Variants in DLG2 observed in about 807,000 individuals in gnomAD.
The protein encoded by DLG2 is disks large homolog 2.
Under a neutral mutation model 132.5 loss-of-function variants are expected in DLG2, and 45 were observed. The observed-to-expected ratio is 0.34, with a 90% CI of 0.27 to 0.44. DLG2 has a LOEUF of 0.44. Among genes scored for constraint, DLG2 ranks in the 20% least tolerant of loss-of-function variants. DLG2 has a pLI of 1.00. For missense variants in DLG2, 1,045 were observed against 1,196.9 expected (o/e 0.87, Z 1.87); for synonymous variants, 424 against 419.6 (o/e 1.01, Z -0.13).
chr11:83,921,751 A>G (rs2077968897), intron 15 of DLG2, among the ~76,000 whole-genome samples: 1 of 152,186 alleles, frequency 6.6e-6, no homozygotes, highest in African/African-American at 2.4e-5. Context: ...GATGGTTACT[A>G]AAGTAAATAC....
chr11:84,589,793 C>T (rs1398576608), intron 6 of DLG2, among the ~76,000 whole-genome samples: 1 of 152,150 alleles, frequency 6.6e-6, no homozygotes, highest in East Asian at 1.9e-4. Context: ...ACTGAAAGAA[C>T]TCAATGTTTA....
At chr11:84,193,614 A>T (rs1290536198) in intron 8 of DLG2, among the ~76,000 whole-genome samples, 1 of 152,204 alleles carries the variant, frequency 6.6e-6, no homozygotes, top group African/African-American at 2.4e-5. Flanking sequence ...ATTAAACCTC[A>T]TATTTGATTT....
intron 7 of DLG2, among the ~76,000 whole-genome samples, chr11:84,288,462 G>A (rs1216031212): frequency 6.6e-6 from 1 of 152,014 alleles, no homozygotes; most frequent in Non-Finnish European, 1.5e-5. Flanking sequence ...ACCTATGACT[G>A]AAAAGATATT....
intron 21 of DLG2, among the ~76,000 whole-genome samples, chr11:83,519,010 G>T (rs1462294450): frequency 2.6e-5 from 4 of 152,172 alleles, no homozygotes; most frequent in African/African-American, 4.8e-5. Context: ...AACCCATCAA[G>T]TGTGGGGGTC....
chr11:83,622,814 T>C (rs189592720), intron 19 of DLG2, among the ~76,000 whole-genome samples: 190 of 152,338 alleles, frequency 1.2e-3, no homozygotes, highest in African/African-American at 4.3e-3. Context: ...TGAGAATCAC[T>C]TTATGGCTGA....
intron 3 of DLG2, among the ~76,000 whole-genome samples, chr11:85,421,664 T>A (rs547583230): frequency 6.6e-6 from 1 of 152,090 alleles, no homozygotes; most frequent in South Asian, 2.1e-4. Flanking sequence ...TTACATTCAA[T>A]GTTAGTCTTG....
chr11:85,109,138 A>C (rs1033195015), intron 6 of DLG2, among the ~76,000 whole-genome samples: 1 of 152,124 alleles, frequency 6.6e-6, no homozygotes, highest in Non-Finnish European at 1.5e-5. Flanking sequence ...GGGCAGGCTC[A>C]CATAATCTAA....
chr11:83,533,485 T>A (rs1457518019), intron 20 of DLG2, among the ~76,000 whole-genome samples: 1 of 152,174 alleles, frequency 6.6e-6, no homozygotes, highest in East Asian at 1.9e-4. Context: ...TAGAACAAGA[T>A]GGCTGATATC....
chr11:83,720,169 C>T (rs1453571596), intron 18 of DLG2, among the ~76,000 whole-genome samples: 1 of 151,296 alleles, frequency 6.6e-6, no homozygotes, highest in East Asian at 1.9e-4. Context: ...TGGCTCGTGC[C>T]TGTAGTCCCA....
intron 4 of DLG2, among the ~76,000 whole-genome samples, chr11:85,271,620 A>T (rs1297368541): frequency 6.6e-6 from 1 of 152,248 alleles, no homozygotes; most frequent in Non-Finnish European, 1.5e-5. Context: ...TGAGCTGCCC[A>T]AAACCATGGG....
chr11:84,757,019 T>C (rs2066975372), intron 6 of DLG2, among the ~76,000 whole-genome samples: 1 of 152,162 alleles, frequency 6.6e-6, no homozygotes, highest in South Asian at 2.1e-4. Context: ...ATCAACATCC[T>C]CAATCCTTAA....
intron 6 of DLG2, among the ~76,000 whole-genome samples, chr11:85,067,461 T>A (rs1263226308): frequency 6.6e-6 from 1 of 151,872 alleles, no homozygotes; most frequent in East Asian, 1.9e-4. Context: ...AGATCTTTCC[T>A]GCTTTCTCTT....
chr11:83,623,087 G>A (rs958143912), intron 19 of DLG2, among the ~76,000 whole-genome samples: 1 of 152,100 alleles, frequency 6.6e-6, no homozygotes, highest in East Asian at 1.9e-4. Flanking sequence ...TTATGAGTCC[G>A]GGTGCTCCAA....
chr11:84,264,897 T>C (rs546875974), intron 7 of DLG2, among the ~76,000 whole-genome samples: 4 of 152,324 alleles, frequency 2.6e-5, no homozygotes, highest in East Asian at 3.9e-4. Context: ...TGTGGCCCTG[T>C]AGAACTTAGT....
At chr11:83,547,841 G>A (rs1464282889) in intron 19 of DLG2, among the ~76,000 whole-genome samples, 1 of 152,130 alleles carries the variant, frequency 6.6e-6, no homozygotes, top group East Asian at 1.9e-4. Context: ...GAAGTGAGGT[G>A]CTATGTAACA....
At chr11:84,524,802 G>A (rs2099315048) in intron 7 of DLG2, among the ~76,000 whole-genome samples, 1 of 151,294 alleles carries the variant, frequency 6.6e-6, no homozygotes, top group Admixed American at 6.6e-5. Context: ...TCAGTTGCTG[G>A]TCAGGGCCTC....
chr11:84,788,100 CAAAAAAAAAAAAAA>C (rs139086655), intron 6 of DLG2, among the ~76,000 whole-genome samples: 2 of 45,666 alleles, frequency 4.4e-5, no homozygotes, highest in Non-Finnish European at 7.0e-5. Flanking sequence ...GAATATGTCT[CAAAAAAAAAAAAAA>C]AAAAAAAAAA....
intron 3 of DLG2, among the ~76,000 whole-genome samples, chr11:85,568,550 GT>G (rs1016791352): frequency 9.9e-5 from 15 of 152,200 alleles, no homozygotes; most frequent in Middle Eastern, 3.4e-3. Flanking sequence ...CTGGTGCTGG[GT>G]TTTTTGTGGT....
chr11:83,609,836 T>C (rs1341581155), intron 19 of DLG2, among the ~76,000 whole-genome samples: 2 of 152,358 alleles, frequency 1.3e-5, no homozygotes, highest in South Asian at 2.1e-4. Flanking sequence ...TTCAGAATTA[T>C]GTCCTCATGT....
Sources: allele counts gnomAD v4.1 joint callset (sites outside exome capture counted in the v4.1 genomes callset), GRCh38; gene constraint gnomAD v4.1.1; transcripts MANE v1.5; gene names NCBI Gene and HGNC (gene_info 2026-07-23, HGNC 2026-07-21).